EYA4: variants seen among roughly 807,000 people sequenced by gnomAD.
EYA4 encodes EYA transcriptional coactivator and phosphatase 4.
A neutral mutation model predicts 87.9 loss-of-function variants in EYA4; 31 were observed. The observed-to-expected ratio is 0.35, with a 90% CI of 0.27 to 0.48. EYA4 has a LOEUF of 0.48. EYA4 is among the 20% of genes least tolerant of loss of function. The pLI, the probability that EYA4 is intolerant of heterozygous loss-of-function variation, is 0.99. For synonymous variants in EYA4, 263 were observed against 270.6 expected (o/e 0.97, Z 0.28); for missense variants, 678 against 761.4 (o/e 0.89, Z 1.29).
At chr6:133,518,482 G>C (rs942620959) in intron 17 of EYA4, among the ~76,000 whole-genome samples, 8 of 152,084 alleles carry the variant, frequency 5.3e-5, no homozygotes, top group Admixed American at 6.6e-5. Flanking sequence ...CAACCCAATA[G>C]TTTTCACAAA....
At position 133,531,291 on chromosome 6, in the gene EYA4, C is replaced by T. The variant is rs1003102332; in HGVS notation, c.*2486C>T. The T allele has an allele frequency of 2.9e-5, 36 of 1,241,950 alleles. No individual in the cohort carries two copies. The African/African-American group carries it at 5.3e-4, about 18-fold the overall frequency. The allele number at this position is 1,241,950 out of a possible 1,614,324, so 76.9% of individuals were successfully genotyped here. ...ACAACAATGGTGCAGGCCCACGAGC[C>T]AGCATCACAGCTTGGCCATGGGACG... is the stretch of plus-strand genomic sequence containing the variant. On this transcript the variant is annotated 3_prime_UTR_variant, in exon 20 of 20. Coordinates refer to ENST00000355286, the MANE Select transcript of EYA4 (RefSeq NM_004100.5).
intron 2 of EYA4, among the ~76,000 whole-genome samples, chr6:133,323,073 C>CGT (rs141727232): frequency 0.03 from 4,550 of 149,240 alleles, 92 homozygotes; most frequent in Middle Eastern, 0.067. Context: ...GTATAAAATC[C>CGT]GTGTGTGTGT....
intron 2 of EYA4, among the ~76,000 whole-genome samples, chr6:133,321,875 G>A (rs1250404648): frequency 6.6e-6 from 1 of 152,138 alleles, no homozygotes; most frequent in African/African-American, 2.4e-5. Context: ...TAGGCTCATG[G>A]TCTCAGGAGC....
intron 2 of EYA4, among the ~76,000 whole-genome samples, chr6:133,277,577 A>G (rs1469577570): frequency 6.6e-6 from 1 of 152,246 alleles, no homozygotes; most frequent in East Asian, 1.9e-4. Flanking sequence ...GCTATCACAA[A>G]TACCTGAGAT....
In EYA4 at chr6:133,402,880, G is replaced by A. The variant is rs1788382103; in HGVS notation, c.83+20439G>A. Among the ~76,000 whole-genome samples the A allele has an allele frequency of 2.0e-5, 3 of 152,186 alleles. No individual in the cohort carries two copies. In the South Asian group the frequency reaches 6.2e-4, roughly 32 times the overall value. On this transcript the variant is annotated intron_variant, in intron 3 of 19. Transcript: ENST00000355286. ...CCAGTAAGAATTAGGGAAGCACATG[G>A]CTTATAGAATTGTTCATTATCTGAT...
At chr6:133,343,131 G>C (rs1782926500) in intron 2 of EYA4, among the ~76,000 whole-genome samples, 1 of 152,100 alleles carries the variant, frequency 6.6e-6, no homozygotes, top group Non-Finnish European at 1.5e-5. Context: ...CAGATATCCT[G>C]GGGAAATGGA....
intron 2 of EYA4, among the ~76,000 whole-genome samples, chr6:133,338,537 T>C (rs1031234273): frequency 3.9e-5 from 6 of 152,194 alleles, no homozygotes; most frequent in Non-Finnish European, 7.4e-5. Context: ...ATTAAGCCTT[T>C]TATTTTTACC....
intron 3 of EYA4, among the ~76,000 whole-genome samples, chr6:133,407,458 T>G (rs1788815659): frequency 6.6e-6 from 1 of 152,062 alleles, no homozygotes; most frequent in Non-Finnish European, 1.5e-5. Flanking sequence ...ACCCCCGCCT[T>G]CCTTGCTCTT....
intron 13 of EYA4, among the ~76,000 whole-genome samples, chr6:133,492,713 A>G (rs1797294905): frequency 6.6e-6 from 1 of 152,234 alleles, no homozygotes; most frequent in African/African-American, 2.4e-5. Flanking sequence ...AAGCTTAAAG[A>G]TTCCATCAAA....
chr6:133,291,999 A>G (rs1375409466), intron 2 of EYA4, among the ~76,000 whole-genome samples: 1 of 152,104 alleles, frequency 6.6e-6, no homozygotes, highest in Non-Finnish European at 1.5e-5. Flanking sequence ...CTTCAAAATT[A>G]AAGTACTTGC....
chr6:133,337,731 C>T (rs62428666), intron 2 of EYA4, among the ~76,000 whole-genome samples: 17,575 of 152,138 alleles, frequency 0.12, 1,275 homozygotes, highest in Non-Finnish European at 0.16. Context: ...TTAATTGCAA[C>T]GTTGTAAAAA....
At chr6:133,287,848 C>G (rs1582854627) in intron 2 of EYA4, among the ~76,000 whole-genome samples, 1 of 152,182 alleles carries the variant, frequency 6.6e-6, no homozygotes, top group East Asian at 1.9e-4. Context: ...AGGCTTAAAC[C>G]AAGTGGCCGG....
intron 5 of EYA4, among the ~76,000 whole-genome samples, chr6:133,450,179 G>T (rs1028258377): frequency 2.6e-5 from 4 of 151,998 alleles, no homozygotes; most frequent in Non-Finnish European, 5.9e-5. Context: ...TAGAGATGGG[G>T]TTTCACCGTG....
rs549379613 is a variant in EYA4, at chr6:133,377,170, C to T, written c.34-5222C>T. On this transcript the variant is annotated intron_variant, in intron 2 of 19. Coordinates refer to ENST00000355286, the MANE Select transcript of EYA4 (RefSeq NM_004100.5). ...GTTCAGTAGAAAAATGATACAAATC[C>T]TATGCGTATTTTAAATTTTCTAGTA... 9.9e-5 allele frequency among the ~76,000 whole-genome samples: 15 copies of T among 152,014 alleles called. No individual in the cohort carries two copies. In the South Asian group the frequency reaches 3.1e-3, roughly 32 times the overall value.
intron 16 of EYA4, among the ~76,000 whole-genome samples, chr6:133,514,162 C>T (rs1469361802): frequency 6.6e-6 from 1 of 151,968 alleles, no homozygotes; most frequent in African/African-American, 2.4e-5. Context: ...CATTCATTTC[C>T]AAAAAGAAAT....
At chr6:133,367,478 A>G (rs1433014683) in intron 2 of EYA4, among the ~76,000 whole-genome samples, 1 of 152,222 alleles carries the variant, frequency 6.6e-6, no homozygotes, top group Non-Finnish European at 1.5e-5. Context: ...CTTGATTCGC[A>G]TATTACTTTG....
intron 2 of EYA4, among the ~76,000 whole-genome samples, chr6:133,346,285 A>G (rs72995914): frequency 0.031 from 4,737 of 152,298 alleles, 171 homozygotes; most frequent in East Asian, 0.2. Flanking sequence ...AAAATTTGAT[A>G]TAGTCATTCA....
chr6:133,289,576 T>C (rs1778323723), intron 2 of EYA4, among the ~76,000 whole-genome samples: 1 of 152,210 alleles, frequency 6.6e-6, no homozygotes. Context: ...CTTCTAAGAT[T>C]AATGAATATG....
intron 2 of EYA4, among the ~76,000 whole-genome samples, chr6:133,343,030 C>T (rs995949801): frequency 6.6e-6 from 1 of 151,992 alleles, no homozygotes; most frequent in African/African-American, 2.4e-5. Flanking sequence ...ATTTACAGAT[C>T]AATGGCTATT....
Sources: allele counts gnomAD v4.1 joint callset (sites outside exome capture counted in the v4.1 genomes callset), GRCh38; gene constraint gnomAD v4.1.1; transcripts MANE v1.5; gene names NCBI Gene and HGNC (gene_info 2026-07-23, HGNC 2026-07-21).